The following GULP1 variants were observed in gnomAD, a reference collection of about 807,000 sequenced individuals.
The protein encoded by GULP1 is GULP PTB domain containing engulfment adaptor 1, also known as PTB domain-containing engulfment adapter protein 1.
GULP1 carries 19 observed loss-of-function variants against 40.9 expected under a neutral mutation model. The ratio of observed to expected loss-of-function variants is 0.46; its 90% CI spans 0.32 to 0.68. GULP1 has a LOEUF of 0.68. GULP1 is among the 30% of genes least tolerant of loss of function. The pLI, the probability that GULP1 is intolerant of heterozygous loss-of-function variation, is 0.03. For synonymous variants in GULP1, 119 were observed against 117.6 expected (o/e 1.01, Z -0.08); for missense variants, 312 against 362.2 (o/e 0.86, Z 1.12).
chr2:188,345,776 G>A (rs778291822), intron 1 of GULP1, among the ~76,000 whole-genome samples: 1 of 152,166 alleles, frequency 6.6e-6, no homozygotes, highest in Non-Finnish European at 1.5e-5. Flanking sequence ...ATAAAGAGGG[G>A]TAGAAGTTTA....
intron 2 of GULP1, among the ~76,000 whole-genome samples, chr2:188,467,997 A>T (rs1416238053): frequency 6.6e-6 from 1 of 152,178 alleles, no homozygotes; most frequent in Non-Finnish European, 1.5e-5. Flanking sequence ...TCCTTACTAG[A>T]GTCCATTTAT....
intron 2 of GULP1, among the ~76,000 whole-genome samples, chr2:188,436,128 G>A (rs1244834329): frequency 6.6e-6 from 1 of 152,014 alleles, no homozygotes; most frequent in Non-Finnish European, 1.5e-5. Flanking sequence ...ATTGTACAGG[G>A]TGTGTACACC....
At chr2:188,525,171 A>G (rs1368824639) in intron 5 of GULP1, among the ~76,000 whole-genome samples, 1 of 152,026 alleles carries the variant, frequency 6.6e-6, no homozygotes, top group African/African-American at 2.4e-5. Context: ...TAAGGTTCAG[A>G]TACTATATTT....
chr2:188,499,682 T>C (rs1389332681), intron 4 of GULP1, among the ~76,000 whole-genome samples: 1 of 151,850 alleles, frequency 6.6e-6, no homozygotes, highest in African/African-American at 2.4e-5. Flanking sequence ...AATGTTCTTT[T>C]CAAATCTTAA....
At chr2:188,571,065 A>G (rs1484954681) in intron 9 of GULP1, among the ~76,000 whole-genome samples, 1 of 152,088 alleles carries the variant, frequency 6.6e-6, no homozygotes, top group East Asian at 1.9e-4. Flanking sequence ...GGCTGAGGTA[A>G]GAGGATGGCA....
intron 1 of GULP1, among the ~76,000 whole-genome samples, chr2:188,310,781 G>A (rs2037953427): frequency 6.6e-6 from 1 of 152,096 alleles, no homozygotes; most frequent in African/African-American, 2.4e-5. Context: ...GCCAGTAACA[G>A]ACACAGAGAA....
At chr2:188,528,642 A>C (rs754568319) in intron 5 of GULP1, among the ~76,000 whole-genome samples, 1 of 152,140 alleles carries the variant, frequency 6.6e-6, no homozygotes, top group East Asian at 1.9e-4. Flanking sequence ...GCTTCTTTTT[A>C]TTTATTGATG....
intron 11 of GULP1, chr2:188,589,042 T>G (rs1306563147): frequency 6.6e-6 from 1 of 152,178 alleles, no homozygotes; most frequent in Non-Finnish European, 1.5e-5. Context: ...AGTTGAATGA[T>G]TCTTAATCCC....
chr2:188,356,656 A>G (rs2045361097), intron 1 of GULP1, among the ~76,000 whole-genome samples: 1 of 152,148 alleles, frequency 6.6e-6, no homozygotes, highest in African/African-American at 2.4e-5. Flanking sequence ...CAAAATACCA[A>G]TGACATTCAT....
chr2:188,424,948 T>G (rs1322904971), intron 2 of GULP1, among the ~76,000 whole-genome samples: 1 of 152,052 alleles, frequency 6.6e-6, no homozygotes, highest in East Asian at 1.9e-4. Context: ...GATTTTCTTT[T>G]GGCAAGTCTA....
chr2:188,574,546 C>A (rs1699779550), intron 9 of GULP1, among the ~76,000 whole-genome samples: 1 of 151,924 alleles, frequency 6.6e-6, no homozygotes, highest in Non-Finnish European at 1.5e-5. Context: ...ATTGCTTGAG[C>A]CGGGGAGGTG....
chr2:188,389,823 T>C (rs2050276275), intron 2 of GULP1, among the ~76,000 whole-genome samples: 1 of 152,136 alleles, frequency 6.6e-6, no homozygotes, highest in Non-Finnish European at 1.5e-5. Flanking sequence ...TATACCACTC[T>C]GTATGCCTTT....
intron 4 of GULP1, among the ~76,000 whole-genome samples, chr2:188,495,584 A>G (rs1020991414): frequency 4.6e-5 from 7 of 152,056 alleles, no homozygotes; most frequent in Non-Finnish European, 7.4e-5. Context: ...TACTATAAGC[A>G]AAAAAACATG....
At chr2:188,327,324 T>A (rs1458173283) in intron 1 of GULP1, among the ~76,000 whole-genome samples, 1 of 152,188 alleles carries the variant, frequency 6.6e-6, no homozygotes, top group African/African-American at 2.4e-5. Context: ...TATTTGAATC[T>A]GGCAATAGAT....
intron 5 of GULP1, among the ~76,000 whole-genome samples, chr2:188,525,962 A>G (rs1019918545): frequency 8.5e-5 from 13 of 152,242 alleles, no homozygotes; most frequent in African/African-American, 3.1e-4. Context: ...TATAAACATG[A>G]GAACCCCAGA....
intron 1 of GULP1, among the ~76,000 whole-genome samples, chr2:188,299,037 G>A (rs992635737): frequency 6.6e-5 from 10 of 152,170 alleles, no homozygotes; most frequent in South Asian, 2.1e-4. Context: ...GGGTTGGACC[G>A]CACAGTCTAA....
chr2:188,594,059 C>A lies in GULP1; in HGVS notation c.*48C>A. The A allele has an allele frequency of 1.1e-6, 1 of 930,556 alleles. No individual in the cohort carries two copies. The highest frequency in any genetic ancestry group is 1.8e-6 in the Non-Finnish European group (1 of 569,392). The allele number at this position is 930,556 out of a possible 1,614,324, so 57.6% of individuals were successfully genotyped here. On this transcript the variant is annotated 3_prime_UTR_variant, in exon 12 of 12. Transcript: ENST00000409830. ...TTCATGTTAAATGTGTTTGTATACA[C>A]ATGTCATTTATTATTATTACTTTAA...
At chr2:188,441,214 G>A (rs1048895843) in intron 2 of GULP1, among the ~76,000 whole-genome samples, 5 of 152,246 alleles carry the variant, frequency 3.3e-5, no homozygotes, top group Non-Finnish European at 7.4e-5. Context: ...GAATCCATCT[G>A]CTTAGAGGAA....
chr2:188,355,253 TTAAAAGA>T (rs762767340), intron 1 of GULP1, among the ~76,000 whole-genome samples: 39 of 152,028 alleles, frequency 2.6e-4, no homozygotes, highest in Admixed American at 6.6e-4. Flanking sequence ...GTGGATTTTC[TTAAAAGA>T]TAAGTAAAAT....
Sources: gnomAD v4.1 joint callset for allele counts (sites outside exome capture counted in the v4.1 genomes callset) on GRCh38, gnomAD v4.1.1 for gene constraint, MANE v1.5 for transcripts, NCBI Gene and HGNC (gene_info 2026-07-23, HGNC 2026-07-21) for gene names.